The following SYT2 variants were observed in gnomAD, a reference collection of about 807,000 sequenced individuals.
SYT2 encodes the protein synaptotagmin-2.
Under a neutral mutation model 39.9 loss-of-function variants are expected in SYT2, and 15 were observed. The ratio of observed to expected loss-of-function variants is 0.38; its 90% CI spans 0.25 to 0.58. SYT2 has a LOEUF of 0.58. Ranked by LOEUF, SYT2 falls within the 20% of genes least tolerant of loss-of-function variation. SYT2 has a pLI of 0.70. For synonymous variants in SYT2, 181 were observed against 204.5 expected (o/e 0.89, Z 0.98); for missense variants, 389 against 530.3 (o/e 0.73, Z 2.62).
chr1:202,602,033 T>G lies in SYT2; in HGVS notation c.658A>C (p.Lys220Gln). ...TCATAGATGGCCATCACCAGAGTTT[T>G]GCCCCCAAGCTCCTGGTATGGCACC... The part of the protein sequence containing the change: ...FKVPYQELGG[K>Q]TLVMAIYDFD... The change falls in exon 6 of 9, where the codon AAA becomes CAA. Residue 220 changes from lysine (K) to glutamine (Q), a missense_variant. Around this residue, in one of 4 missense-constraint regions of SYT2, gnomAD observed 280 missense variants for 335.6 expected, o/e 0.83. Transcript: ENST00000367268. 6.2e-7 allele frequency: 1 copy of G among 1,614,172 alleles called. No individual in the cohort carries two copies. The highest frequency in any genetic ancestry group is 8.5e-7 in the Non-Finnish European group (1 of 1,180,012).
intron 1 of SYT2, among the ~76,000 whole-genome samples, chr1:202,617,442 C>T (rs1000641114): frequency 2.0e-4 from 30 of 152,286 alleles, no homozygotes; most frequent in Non-Finnish European, 8.8e-5. Flanking sequence ...TCACCTCCCC[C>T]CATGATTGTA....
intron 1 of SYT2, among the ~76,000 whole-genome samples, chr1:202,664,268 G>A (rs1318343362): frequency 6.6e-6 from 1 of 152,110 alleles, no homozygotes; most frequent in Non-Finnish European, 1.5e-5. Flanking sequence ...TTCATCCTTA[G>A]CTAGCAGGAA....
chr1:202,594,722 A>ACACACACACACACACG lies in SYT2; in HGVS notation c.*2034_*2035insCGTGTGTGTGTGTGTG, dbSNP rs1690229768. ...TAAGTACACACACACACACACACAC[A>ACACACACACACACACG]CACACCAGTAAAAACATAACTTCCC... On this transcript the variant is annotated 3_prime_UTR_variant, in exon 9 of 9. Transcript: ENST00000367268. The ACACACACACACACACG allele has an allele frequency of 6.6e-6, 1 of 152,400 alleles. No homozygotes were observed. The highest frequency in any genetic ancestry group is 1.5e-5 in the Non-Finnish European group (1 of 68,378). 9.4% of individuals were successfully genotyped at this position (152,400 alleles called of 1,614,324 possible).
intron 1 of SYT2, among the ~76,000 whole-genome samples, chr1:202,608,247 A>T (rs1167597562): frequency 2.0e-5 from 3 of 148,358 alleles, no homozygotes; most frequent in Admixed American, 6.7e-5. Flanking sequence ...TTCCCTTTTT[A>T]TTGCCACATA....
rs1413499069 is a variant in SYT2, at chr1:202,621,355, C to T, written c.-17-15566G>A. 2.6e-5 allele frequency among the ~76,000 whole-genome samples: 4 copies of T among 152,260 alleles called. No homozygotes were observed. The East Asian group carries it at 7.7e-4, about 29-fold the overall frequency. On this transcript the variant is annotated intron_variant, in intron 1 of 8. Coordinates refer to ENST00000367268, the MANE Select transcript of SYT2 (RefSeq NM_177402.5). The stretch of plus-strand genomic sequence containing the variant: ...CTGTTGCTCAGGCTGGAATACAGGG[C>T]CGTGATCATAGCTCACTGCAGCCTT...
At chr1:202,642,720 C>A (rs557278781) in intron 1 of SYT2, among the ~76,000 whole-genome samples, 9 of 152,370 alleles carry the variant, frequency 5.9e-5, no homozygotes, top group East Asian at 3.9e-4. Context: ...CGGCACACCC[C>A]CCTCTGCGCC....
intron 1 of SYT2, among the ~76,000 whole-genome samples, chr1:202,610,092 G>C (rs1243172830): frequency 6.6e-6 from 1 of 152,134 alleles, no homozygotes; most frequent in African/African-American, 2.4e-5. Flanking sequence ...TCCAGTTTCA[G>C]CTTTCTACAT....
At chr1:202,606,576 G>A (rs763443410) in intron 1 of SYT2, among the ~76,000 whole-genome samples, 9 of 151,972 alleles carry the variant, frequency 5.9e-5, no homozygotes, top group Non-Finnish European at 1.2e-4. Context: ...GCCCACTCAG[G>A]GTTTGTTTTG....
intron 5 of SYT2, among the ~76,000 whole-genome samples, 155 bp from the exon 6 acceptor site, chr1:202,602,212 G>A (rs1468841967): frequency 6.6e-6 from 1 of 152,180 alleles, no homozygotes; most frequent in Non-Finnish European, 1.5e-5. Flanking sequence ...TGTGAGGGTG[G>A]GGTGGGAGGG....
rs1277034278 is a variant in SYT2, at chr1:202,628,384, C to G, written c.-17-22595G>C. Among the ~76,000 whole-genome samples, 1 of 152,154 alleles carries G rather than the reference C, an allele frequency of 6.6e-6. No individual in the cohort carries two copies. Among genetic ancestry groups the G allele is most frequent in the Non-Finnish European group, 1.5e-5 (1 of 68,028 alleles). On this transcript the variant is annotated intron_variant, in intron 1 of 8. Coordinates refer to ENST00000367268, the MANE Select transcript of SYT2 (RefSeq NM_177402.5). The surrounding 1 kb of genome is among the most constrained non-coding windows in gnomAD (Gnocchi z 4.2). ...CTCAGTGGGAGCTGGGAGCCAGCAT[C>G]CCAGGCAGGGAGCCAGCCAAAGAAG...
Position 202,596,830 on chromosome 1 carries a change from C to T in SYT2, c.1187G>A (p.Arg396Gln), listed in dbSNP as rs911413010. 7 of 1,614,030 alleles carry T rather than the reference C, an allele frequency of 4.3e-6. No homozygotes were observed. Among genetic ancestry groups the T allele is most frequent in the Admixed American group, 1.7e-5 (1 of 59,994 alleles). ...RHWSDMLANPRRPIAQWHSLK... is the reference protein window; with the variant it reads ...RHWSDMLANPQRPIAQWHSLK... ...CGAGTGCCACTGGGCGATGGGCCTC[C>T]GGGGGTTGGCCAGCATGTCGGACCA... The change falls in exon 9 of 9, where the codon CGG becomes CAG. Residue 396 changes from arginine (R) to glutamine (Q), a missense_variant. Transcript: ENST00000367268.
intron 1 of SYT2, among the ~76,000 whole-genome samples, chr1:202,668,026 A>T (rs1202130784): frequency 6.6e-6 from 1 of 152,204 alleles, no homozygotes; most frequent in Non-Finnish European, 1.5e-5. Context: ...ATTTTCAGGC[A>T]ATCCTCCCTC....
At chr1:202,627,139 G>A (rs1691440240) in intron 1 of SYT2, among the ~76,000 whole-genome samples, 2 of 152,210 alleles carry the variant, frequency 1.3e-5, no homozygotes, top group Non-Finnish European at 2.9e-5. Context: ...CGGCTGGGGA[G>A]CCTAAGGCCC....
intron 1 of SYT2, among the ~76,000 whole-genome samples, chr1:202,671,124 C>T (rs1388157211): frequency 3.3e-5 from 5 of 152,366 alleles, no homozygotes; most frequent in Admixed American, 2.0e-4. Flanking sequence ...CAGCCTTCAA[C>T]CCCTGTGAGG....
At chr1:202,638,475 C>T (rs1355086214) in intron 1 of SYT2, among the ~76,000 whole-genome samples, 1 of 152,244 alleles carries the variant, frequency 6.6e-6, no homozygotes, top group Non-Finnish European at 1.5e-5. Flanking sequence ...GCTCAATGGG[C>T]CATCTGCTCG....
At position 202,623,657 on chromosome 1, in the gene SYT2, AG is replaced by A. The variant is rs996438267; in HGVS notation, c.-17-17869del. Among the ~76,000 whole-genome samples, 3 of 152,156 alleles carry A rather than the reference AG, an allele frequency of 2.0e-5. No individual in the cohort carries two copies. The highest frequency in any genetic ancestry group is 4.4e-5 in the Non-Finnish European group (3 of 68,022). On this transcript the variant is annotated intron_variant, in intron 1 of 8. Coordinates refer to ENST00000367268, the MANE Select transcript of SYT2 (RefSeq NM_177402.5). This position sits in a 1 kb window ranked among gnomAD's most constrained non-coding sequence, Gnocchi z 4.2. ...CTGGTGTAGGATACGGAAAGTGTGT[AG>A]GGGGGGTGCACCCGTGGGCCCCAGG...
At chr1:202,692,931 A>AGAGGAGGTTAATAAGGCAGGAG (rs1653873609) in intron 1 of SYT2, among the ~76,000 whole-genome samples, 2 of 152,200 alleles carry the variant, frequency 1.3e-5, no homozygotes, top group African/African-American at 4.8e-5. Context: ...TGAAAAAGAA[A>AGAGGAGGTTAATAAGGCAGGAG]GAGGAGGTTA....
Position 202,593,582 on chromosome 1 carries a change from T to C in SYT2, c.*3175A>G, listed in dbSNP as rs1271425046. On this transcript the variant is annotated 3_prime_UTR_variant, in exon 9 of 9. Transcript: ENST00000367268. The stretch of plus-strand genomic sequence containing the variant: ...CTCCAGGAAAGTCACTTCTCATTCA[T>C]GCCAAGCACCTGCCTACTGTCTGAG... 2 of 152,200 alleles carry C rather than the reference T, an allele frequency of 1.3e-5. No individual in the cohort carries two copies. The highest frequency in any genetic ancestry group is 1.9e-4 in the East Asian group (1 of 5,186). The allele number at this position is 152,200 out of a possible 1,614,324, so 9.4% of individuals were successfully genotyped here.
At chr1:202,624,726 G>A (rs1490888520) in intron 1 of SYT2, among the ~76,000 whole-genome samples, 2 of 5,324 alleles carry the variant, frequency 3.8e-4, no homozygotes, top group East Asian at 0.01. Context: ...GTATGTAGTA[G>A]GGTGTGTGTG....
Sources: gnomAD v4.1 joint callset for allele counts (sites outside exome capture counted in the v4.1 genomes callset) on GRCh38, gnomAD v4.1.1 for gene constraint, gnomAD v4.1.1 regional missense constraint, Gnocchi (gnomAD v3.1) non-coding constraint, MANE v1.5 for transcripts, NCBI Gene and HGNC (gene_info 2026-07-23, HGNC 2026-07-21) for gene names.